ANKRD30B: variants seen among roughly 807,000 people sequenced by gnomAD.
ANKRD30B encodes ankyrin repeat domain-containing protein 30B.
In ANKRD30B, 144 loss-of-function variants were observed where a neutral mutation model predicts 202.2. The ratio of observed to expected loss-of-function variants is 0.71; its 90% CI spans 0.62 to 0.82. The LOEUF (loss-of-function observed/expected upper bound fraction) is 0.82, where lower values mean the gene tolerates loss of function less well. Among genes scored for constraint, ANKRD30B ranks in the 40% least tolerant of loss-of-function variants. The pLI, the probability that ANKRD30B is intolerant of heterozygous loss-of-function variation, is 0.00. For synonymous variants in ANKRD30B, 508 were observed against 561.3 expected (o/e 0.91, Z 1.34); for missense variants, 1,487 against 1,669.1 (o/e 0.89, Z 1.90).
At chr18:14,923,331 G>A in the ANKRD30B span, among the ~76,000 whole-genome samples, 2 of 152,190 alleles carry the variant, frequency 1.3e-5, no homozygotes, top group Admixed American at 1.3e-4. Context: ...TGACTGAAGG[G>A]CCCTTGGGTT....
intron 11 of ANKRD30B, 79 bp from the exon 12 acceptor site, chr18:14,782,447 TA>T: frequency 1.8e-6 from 2 of 1,110,602 alleles, no homozygotes; most frequent in Non-Finnish European, 2.5e-6. Flanking sequence ...AAATTGAGTT[TA>T]AAAAATATTT....
At chr18:14,872,707 C>G in the ANKRD30B span, among the ~76,000 whole-genome samples, 15 of 152,152 alleles carry the variant, frequency 9.9e-5, no homozygotes, top group East Asian at 2.9e-3. Context: ...CTTAATGCTC[C>G]CCACACATGG....
Position 14,840,005 on chromosome 18 carries a change from C to T in ANKRD30B, c.2989-583C>T, listed in dbSNP as rs963863621. Among the ~76,000 whole-genome samples, 5 of 152,062 alleles carry T rather than the reference C, an allele frequency of 3.3e-5. No homozygotes were observed. In the South Asian group the frequency reaches 8.3e-4, roughly 25 times the overall value. On this transcript the variant is annotated intron_variant, in intron 36 of 43. Coordinates refer to ENST00000690538, the MANE Select transcript of ANKRD30B (RefSeq NM_001367607.2). ...AAGTAAATTCCTTTTAAAATATGCA[C>T]GAGTGAATTTTTTTGTGAGTATGAT...
the ANKRD30B span, among the ~76,000 whole-genome samples, chr18:14,866,319 C>T: frequency 6.6e-6 from 1 of 152,100 alleles, no homozygotes; most frequent in Non-Finnish European, 1.5e-5. Flanking sequence ...GGCAGTGTGG[C>T]TGGAGTGTTA....
chr18:14,751,771 A>G (rs34223858), intron 1 of ANKRD30B, among the ~76,000 whole-genome samples: 46,794 of 151,984 alleles, frequency 0.31, 7,933 homozygotes, highest in Middle Eastern at 0.41. Flanking sequence ...TTTTTATTTC[A>G]ACTCTCCTAT....
the ANKRD30B span, among the ~76,000 whole-genome samples, chr18:14,875,670 CAT>C: frequency 4.6e-5 from 7 of 152,260 alleles, no homozygotes; most frequent in Admixed American, 3.9e-4. Flanking sequence ...TTCTCTTGGT[CAT>C]TAGGGCACTG....
intron 18 of ANKRD30B, among the ~76,000 whole-genome samples, chr18:14,796,980 A>T (rs1039006116): frequency 6.6e-6 from 1 of 152,206 alleles, no homozygotes; most frequent in Non-Finnish European, 1.5e-5. Flanking sequence ...CAAAGCCTTA[A>T]AACAGAAATG....
intron 8 of ANKRD30B, among the ~76,000 whole-genome samples, 185 bp downstream of exon 8, chr18:14,769,558 A>T (rs1916772611): frequency 6.6e-6 from 1 of 152,234 alleles, no homozygotes; most frequent in Non-Finnish European, 1.5e-5. Context: ...CTTTGTATTA[A>T]ACAGGCAAAT....
At chr18:14,917,694 T>C in the ANKRD30B span, among the ~76,000 whole-genome samples, 2 of 152,204 alleles carry the variant, frequency 1.3e-5, no homozygotes, top group East Asian at 3.9e-4. Context: ...TGTGGGGCCA[T>C]GTAACTAATG....
At chr18:14,817,795 G>T (rs1317161123) in intron 30 of ANKRD30B, among the ~76,000 whole-genome samples, 2 of 152,154 alleles carry the variant, frequency 1.3e-5, no homozygotes, top group East Asian at 3.8e-4. Context: ...AGATATTAAT[G>T]AATCGAGAAT....
the ANKRD30B span, among the ~76,000 whole-genome samples, chr18:14,866,450 G>A: frequency 6.6e-6 from 1 of 152,090 alleles, no homozygotes; most frequent in African/African-American, 2.4e-5. Context: ...CGGGGCGGTA[G>A]GAGTGCAGCC....
intron 7 of ANKRD30B, among the ~76,000 whole-genome samples, chr18:14,766,973 T>A (rs570511535): frequency 6.6e-6 from 1 of 152,232 alleles, no homozygotes; most frequent in Non-Finnish European, 1.5e-5. Context: ...TTAGGGTTGT[T>A]AAGTATACTG....
At chr18:14,785,930 C>T (rs931311511) in intron 14 of ANKRD30B, among the ~76,000 whole-genome samples, 8 of 150,732 alleles carry the variant, frequency 5.3e-5, no homozygotes, top group East Asian at 2.0e-4. Context: ...CCCAGCTACT[C>T]GGGAGGCTGA....
intron 4 of ANKRD30B, among the ~76,000 whole-genome samples, chr18:14,756,577 T>G (rs1444575994): frequency 1.3e-5 from 2 of 152,226 alleles, no homozygotes; most frequent in African/African-American, 4.8e-5. Context: ...GAATTAATTT[T>G]TACACCTTAT....
the ANKRD30B span, chr18:14,890,090 A>C: frequency 8.8e-7 from 1 of 1,140,528 alleles, no homozygotes; most frequent in Non-Finnish European, 1.3e-6. Flanking sequence ...TTTCCATGAT[A>C]TATTCAAGGA....
chr18:14,871,628 A>C, the ANKRD30B span, among the ~76,000 whole-genome samples: 1 of 152,044 alleles, frequency 6.6e-6, no homozygotes, highest in East Asian at 2.0e-4. Flanking sequence ...ATGGTGGCTC[A>C]TGCCTGTAAA....
intron 30 of ANKRD30B, chr18:14,816,839 A>C (rs997385068): frequency 1.1e-4 from 16 of 152,204 alleles, no homozygotes; most frequent in Non-Finnish European, 7.3e-5. Flanking sequence ...GGAAACCATC[A>C]TTCTCAGCAA....
At chr18:14,809,405 C>G (rs10468703) in intron 26 of ANKRD30B, among the ~76,000 whole-genome samples, 77,799 of 149,656 alleles carry the variant, frequency 0.52, 21,615 homozygotes, top group Non-Finnish European at 0.54. Flanking sequence ...CATAGAAACA[C>G]AATGTGAAGC....
chr18:14,808,568 G>T lies in ANKRD30B; in HGVS notation c.2302G>T (p.Gly768Cys), dbSNP rs1969700312. The change falls in exon 25 of 44, where the codon GGT becomes TGT. Residue 768 changes from glycine (G) to cysteine (C), a missense_variant. Physicochemically the swap from Gly to Cys is radical, Grantham distance 159 (BLOSUM62 -3). Transcript: ENST00000690538. Reference sequence around the variant, plus strand: ...TCTTTTAGAGTCTCCTGATAAAGATGGTCTTCTGAAGGTAATTACTTTTAT... The same window carrying T: ...TCTTTTAGAGTCTCCTGATAAAGATTGTCTTCTGAAGGTAATTACTTTTAT... ...GKLEESPDKD[G>C]LLKPTCGRKV... 6.5e-7 allele frequency: 1 copy of T among 1,536,076 alleles called. No individual in the cohort carries two copies. Among genetic ancestry groups the T allele is most frequent in the Non-Finnish European group, 9.0e-7 (1 of 1,114,548 alleles).
Sources: allele counts gnomAD v4.1 joint callset (sites outside exome capture counted in the v4.1 genomes callset), GRCh38; gene constraint gnomAD v4.1.1; transcripts MANE v1.5; gene names NCBI Gene and HGNC (gene_info 2026-07-23, HGNC 2026-07-21).